PDE4B: variants seen among roughly 807,000 people sequenced by gnomAD.
The protein encoded by PDE4B is 3',5'-cyclic-AMP phosphodiesterase 4B.
A neutral mutation model predicts 82.2 loss-of-function variants in PDE4B; 20 were observed. That is an observed-to-expected ratio of 0.24 (90% CI 0.17 to 0.35). The LOEUF (loss-of-function observed/expected upper bound fraction) is 0.35. PDE4B is among the 10% of genes least tolerant of loss of function. The pLI is 1.00. For missense variants in PDE4B, 655 were observed against 907.2 expected, an observed-to-expected ratio of 0.72 and a Z score of 3.57; for synonymous variants, 320 against 318.9, an observed-to-expected ratio of 1.00 and a Z score of -0.04.
At chr1:66,025,095 G>A (rs910611379) in intron 3 of PDE4B, among the ~76,000 whole-genome samples, 4 of 151,944 alleles carry the variant, frequency 2.6e-5, no homozygotes, top group African/African-American at 9.7e-5. Flanking sequence ...TAGAAAACCA[G>A]CATTTTAGTT....
chr1:66,192,145 A>G (rs1346392942), intron 3 of PDE4B, among the ~76,000 whole-genome samples: 1 of 152,082 alleles, frequency 6.6e-6, no homozygotes, highest in Non-Finnish European at 1.5e-5. Context: ...ACTAATATAT[A>G]TGTGTATGTC....
chr1:65,917,463 G>A (rs1647175771), intron 2 of PDE4B, among the ~76,000 whole-genome samples: 1 of 152,160 alleles, frequency 6.6e-6, no homozygotes, highest in East Asian at 1.9e-4. Flanking sequence ...AGTGAAAATT[G>A]TAACTTTGAA....
intron 3 of PDE4B, among the ~76,000 whole-genome samples, chr1:66,181,578 G>C (rs544230985): frequency 2.0e-5 from 3 of 152,314 alleles, no homozygotes; most frequent in African/African-American, 7.2e-5. Flanking sequence ...CCCTTGGCCA[G>C]GTTGACTTTC....
chr1:65,868,307 C>G (rs567040637), intron 1 of PDE4B, among the ~76,000 whole-genome samples: 1 of 152,088 alleles, frequency 6.6e-6, no homozygotes, highest in East Asian at 1.9e-4. Context: ...GCTCAGGGAA[C>G]CCATCCGTCC....
chr1:66,304,107 C>T (rs1172875042), intron 7 of PDE4B, among the ~76,000 whole-genome samples: 3 of 152,066 alleles, frequency 2.0e-5, no homozygotes, highest in Non-Finnish European at 4.4e-5. Flanking sequence ...AAAATCCTTT[C>T]AGGTATTTAG....
intron 1 of PDE4B, among the ~76,000 whole-genome samples, chr1:65,797,100 CCG>C (rs1430393976): frequency 6.6e-6 from 1 of 151,824 alleles, no homozygotes; most frequent in African/African-American, 2.4e-5. Flanking sequence ...TTACAGGTGC[CCG>C]CCACCACGCC....
intron 3 of PDE4B, among the ~76,000 whole-genome samples, chr1:66,144,189 G>T (rs759901631): frequency 6.6e-6 from 1 of 152,138 alleles, no homozygotes; most frequent in Non-Finnish European, 1.5e-5. Flanking sequence ...CCGTGCAAAC[G>T]GTTCCAGGTT....
At chr1:66,006,546 G>A (rs1453986642) in intron 3 of PDE4B, among the ~76,000 whole-genome samples, 1 of 152,122 alleles carries the variant, frequency 6.6e-6, no homozygotes, top group Non-Finnish European at 1.5e-5. Context: ...AGAAGTTTGA[G>A]ACAAGCCTGG....
At chr1:66,140,211 G>A (rs970943856) in intron 3 of PDE4B, among the ~76,000 whole-genome samples, 2 of 152,014 alleles carry the variant, frequency 1.3e-5, no homozygotes, top group South Asian at 2.1e-4. Flanking sequence ...TTGTTAACAC[G>A]GGATTTACCC....
At chr1:65,818,694 A>ATATATATATG (rs1645915178) in intron 1 of PDE4B, among the ~76,000 whole-genome samples, 1 of 148,628 alleles carries the variant, frequency 6.7e-6, no homozygotes, top group South Asian at 2.1e-4. Flanking sequence ...ACATATATAT[A>ATATATATATG]TATATATATA....
At chr1:66,134,332 G>T (rs1313002608) in intron 3 of PDE4B, among the ~76,000 whole-genome samples, 1 of 152,196 alleles carries the variant, frequency 6.6e-6, no homozygotes, top group Non-Finnish European at 1.5e-5. Flanking sequence ...TAAGATAGAA[G>T]TGGTACCTAG....
chr1:66,005,491 A>G (rs1303481203), intron 3 of PDE4B, among the ~76,000 whole-genome samples: 1 of 152,186 alleles, frequency 6.6e-6, no homozygotes, highest in Non-Finnish European at 1.5e-5. Context: ...TCCTTCTCAC[A>G]TAATCTTTGA....
intron 3 of PDE4B, among the ~76,000 whole-genome samples, chr1:66,124,707 G>A (rs1360105895): frequency 6.6e-6 from 1 of 151,840 alleles, no homozygotes; most frequent in Non-Finnish European, 1.5e-5. Flanking sequence ...ATGCAGTTTT[G>A]TTCAATGTTG....
At chr1:65,956,204 G>T (rs17417957) in intron 3 of PDE4B, among the ~76,000 whole-genome samples, 9,853 of 152,164 alleles carry the variant, frequency 0.065, 364 homozygotes, top group Middle Eastern at 0.18. Flanking sequence ...TGCCAAAGTT[G>T]CAGTCTTACT....
At chr1:66,232,815 C>A (rs1031971262) in intron 3 of PDE4B, among the ~76,000 whole-genome samples, 1 of 152,038 alleles carries the variant, frequency 6.6e-6, no homozygotes, top group Non-Finnish European at 1.5e-5. Flanking sequence ...TGAAGTGTTG[C>A]GGGCCAAATC....
At chr1:65,978,595 C>G (rs1247000052) in intron 3 of PDE4B, among the ~76,000 whole-genome samples, 1 of 152,144 alleles carries the variant, frequency 6.6e-6, no homozygotes, top group Non-Finnish European at 1.5e-5. Flanking sequence ...TTTTCACATG[C>G]AGATTCTTTA....
chr1:66,011,377 T>C (rs1419207116), intron 3 of PDE4B, among the ~76,000 whole-genome samples: 7 of 152,082 alleles, frequency 4.6e-5, no homozygotes, highest in Admixed American at 4.6e-4. Flanking sequence ...TAATACGTAG[T>C]GAATCAATGG....
In PDE4B at chr1:66,143,006, A is replaced by G. The variant is rs140865838; in HGVS notation, c.282-104454A>G. Among the ~76,000 whole-genome samples the G allele has an allele frequency of 8.3e-3, 1,270 of 152,338 alleles. 28 individuals are homozygous for G. The highest frequency in any genetic ancestry group is 0.029 in the African/African-American group (1,186 of 41,580). On this transcript the variant is annotated intron_variant, in intron 3 of 16. Transcript: ENST00000341517. ...CTGTGCTTCGCATCTGTGTTGTAAC[A>G]GGCATTTATAAAAGGCTGTAGATGC...
intron 7 of PDE4B, among the ~76,000 whole-genome samples, chr1:66,305,762 A>G (rs1275020326): frequency 2.6e-5 from 4 of 152,188 alleles, no homozygotes; most frequent in African/African-American, 7.2e-5. Flanking sequence ...CAGATTCCCT[A>G]TGACTTTTTA....
Sources: gnomAD v4.1 joint callset for allele counts (sites outside exome capture counted in the v4.1 genomes callset) on GRCh38, gnomAD v4.1.1 for gene constraint, MANE v1.5 for transcripts, NCBI Gene and HGNC (gene_info 2026-07-23, HGNC 2026-07-21) for gene names.